The following TAFA1 variants were observed in gnomAD, a reference collection of about 807,000 sequenced individuals.
TAFA1 encodes the protein chemokine-like protein TAFA-1.
Under a neutral mutation model 18.5 loss-of-function variants are expected in TAFA1, and 4 were observed. The observed-to-expected ratio is 0.22, with a 90% confidence interval of 0.11 to 0.49. The LOEUF (loss-of-function observed/expected upper bound fraction) is 0.49. Ranked by LOEUF, TAFA1 falls within the 20% of genes least tolerant of loss-of-function variation. The pLI, the probability that TAFA1 is intolerant of heterozygous loss-of-function variation, is 0.98. For missense variants in TAFA1, 147 were observed against 169.0 expected, an observed-to-expected ratio of 0.87 and a Z score of 0.72; for synonymous variants, 56 against 55.2, an observed-to-expected ratio of 1.01 and a Z score of -0.06.
chr3:68,166,296 A>T (rs2065981573), intron 2 of TAFA1, among the ~76,000 whole-genome samples: 1 of 152,154 alleles, frequency 6.6e-6, no homozygotes, highest in Admixed American at 6.5e-5. Context: ...CCCTTTCCTG[A>T]GCTACTTTTC....
intron 2 of TAFA1, among the ~76,000 whole-genome samples, chr3:68,413,730 A>C (rs577058297): frequency 6.6e-6 from 1 of 152,108 alleles, no homozygotes; most frequent in African/African-American, 2.4e-5. Context: ...TGTGTTTGAA[A>C]GTTACAGGTG....
chr3:68,525,786 T>C (rs2073103802), intron 3 of TAFA1, among the ~76,000 whole-genome samples: 1 of 152,216 alleles, frequency 6.6e-6, no homozygotes, highest in Non-Finnish European at 1.5e-5. Context: ...AACCTGAAGA[T>C]ATCAGTCTCC....
chr3:68,057,385 A>G (rs2064549745), intron 2 of TAFA1, among the ~76,000 whole-genome samples: 1 of 152,226 alleles, frequency 6.6e-6, no homozygotes, highest in Admixed American at 6.5e-5. Flanking sequence ...TCTATTGCAC[A>G]TCACATTAAT....
At chr3:68,290,991 T>C (rs1227285277) in intron 2 of TAFA1, among the ~76,000 whole-genome samples, 1 of 152,140 alleles carries the variant, frequency 6.6e-6, no homozygotes, top group Admixed American at 6.5e-5. Flanking sequence ...TTTATTTTTT[T>C]TCACCTGTAG....
chr3:68,129,707 A>G (rs1309791547), intron 2 of TAFA1, among the ~76,000 whole-genome samples: 1 of 152,168 alleles, frequency 6.6e-6, no homozygotes, highest in African/African-American at 2.4e-5. Flanking sequence ...AATTCAAAAG[A>G]CCTTGTGAAA....
At chr3:68,418,856 A>G (rs902268783) in intron 3 of TAFA1, among the ~76,000 whole-genome samples, 3 of 152,156 alleles carry the variant, frequency 2.0e-5, no homozygotes, top group Admixed American at 2.0e-4. Flanking sequence ...TTTTTTCTCT[A>G]TTGTGATATA....
At chr3:68,516,927 C>T (rs1334375002) in intron 3 of TAFA1, among the ~76,000 whole-genome samples, 2 of 152,116 alleles carry the variant, frequency 1.3e-5, no homozygotes, top group African/African-American at 4.8e-5. Context: ...GCATGCGCCA[C>T]CACACCTAGC....
At chr3:68,359,665 A>G (rs1249005575) in intron 2 of TAFA1, among the ~76,000 whole-genome samples, 1 of 151,958 alleles carries the variant, frequency 6.6e-6, no homozygotes, top group Non-Finnish European at 1.5e-5. Context: ...ACCCAGTGGG[A>G]CCGATGTTAA....
At chr3:68,237,442 G>A (rs116663020) in intron 2 of TAFA1, among the ~76,000 whole-genome samples, 2 of 152,152 alleles carry the variant, frequency 1.3e-5, no homozygotes, top group African/African-American at 4.8e-5. Flanking sequence ...TCAGACCATA[G>A]CAATAACATT....
At position 68,541,586 on chromosome 3, in the gene TAFA1, T is replaced by TA. The variant is rs201474420; in HGVS notation, c.384+2717dup. 7.7e-3 allele frequency among the ~76,000 whole-genome samples: 1,124 copies of TA among 145,524 alleles called. 15 individuals are homozygous for TA. The highest frequency in any genetic ancestry group is 0.044 in the East Asian group (220 of 4,972). On this transcript the variant is annotated intron_variant, in intron 4 of 4. Coordinates refer to ENST00000478136, the MANE Select transcript of TAFA1 (RefSeq NM_213609.4). Reference sequence around the variant, plus strand: ...CATTGTTCTGCTGTTATCAAAGAGGTAAAAAAAAAAACAAAGAAATTTACC... The same window carrying TA: ...CATTGTTCTGCTGTTATCAAAGAGGTAAAAAAAAAAAACAAAGAAATTTACC...
intron 2 of TAFA1, among the ~76,000 whole-genome samples, chr3:68,235,246 T>G (rs1559569661): frequency 6.6e-6 from 1 of 152,192 alleles, no homozygotes; most frequent in African/African-American, 2.4e-5. Flanking sequence ...GTTAAACATC[T>G]CCACTCACCA....
In TAFA1 at chr3:68,287,907, T is replaced by TGGG. The variant is rs35069967; in HGVS notation, c.119-129369_119-129367dup. 6.4e-3 allele frequency among the ~76,000 whole-genome samples: 328 copies of TGGG among 51,568 alleles called. 5 individuals carry two copies. Among genetic ancestry groups the TGGG allele is most frequent in the Non-Finnish European group, 0.012 (258 of 21,814 alleles). The allele number at this position is 51,568 out of a possible 152,430, so 33.8% of individuals were successfully genotyped here. A position where few individuals can be genotyped will look rare whatever the true frequency, so the allele number is the denominator to read the frequency against. On this transcript the variant is annotated intron_variant, in intron 2 of 4. Coordinates refer to ENST00000478136, the MANE Select transcript of TAFA1 (RefSeq NM_213609.4). ...GGAGGATTTTGCTTTTTGTTTTTGT[T>TGGG]GGGGGGTGGGGGGGCTTTTTGAAAA...
chr3:68,270,973 T>G (rs1203420773), intron 2 of TAFA1, among the ~76,000 whole-genome samples: 1 of 152,148 alleles, frequency 6.6e-6, no homozygotes, highest in East Asian at 1.9e-4. Context: ...TAATCAAGAC[T>G]CTTTGTGGAA....
intron 3 of TAFA1, among the ~76,000 whole-genome samples, chr3:68,489,955 T>C (rs918635185): frequency 6.6e-6 from 1 of 152,224 alleles, no homozygotes. Flanking sequence ...TGACAAACTA[T>C]GGTTATTCAG....
chr3:68,239,193 CT>C lies in TAFA1; in HGVS notation c.119-178083del, dbSNP rs200958566. On this transcript the variant is annotated intron_variant, in intron 2 of 4. Coordinates refer to ENST00000478136, the MANE Select transcript of TAFA1 (RefSeq NM_213609.4). Reference sequence around the variant, plus strand: ...AATCTTCTTAGTTTTCTCTGTCTTCCTTTTACCTCCCTTTTCATTTGTCAAG... The same window carrying C: ...AATCTTCTTAGTTTTCTCTGTCTTCCTTTACCTCCCTTTTCATTTGTCAAG... Among the ~76,000 whole-genome samples the C allele has an allele frequency of 3.4e-3, 523 of 152,154 alleles. 5 individuals are homozygous for C. Among genetic ancestry groups the C allele is most frequent in the Non-Finnish European group, 2.5e-3 (171 of 67,992 alleles).
chr3:68,444,404 T>A (rs4855478), intron 3 of TAFA1, among the ~76,000 whole-genome samples: 19,548 of 152,104 alleles, frequency 0.13, 1,600 homozygotes, highest in Non-Finnish European at 0.18. Context: ...TGACAAGCAT[T>A]ATTTTCTCAC....
chr3:68,000,123 G>T (rs1400440038), upstream of TAFA1, among the ~76,000 whole-genome samples: 1 of 152,104 alleles, frequency 6.6e-6, no homozygotes, highest in South Asian at 2.1e-4. Flanking sequence ...AGCTCATTAT[G>T]CATGCCATCC....
At chr3:68,179,488 T>C (rs2066168573) in intron 2 of TAFA1, among the ~76,000 whole-genome samples, 1 of 152,232 alleles carries the variant, frequency 6.6e-6, no homozygotes, top group African/African-American at 2.4e-5. Flanking sequence ...GTCTGCATTT[T>C]TAAAGAAAAT....
intron 3 of TAFA1, among the ~76,000 whole-genome samples, chr3:68,446,680 A>G (rs1559673720): frequency 6.6e-6 from 1 of 152,206 alleles, no homozygotes; most frequent in Non-Finnish European, 1.5e-5. Flanking sequence ...TCTAGAAAAG[A>G]CATACAGGTT....
Sources: allele counts gnomAD v4.1 joint callset (sites outside exome capture counted in the v4.1 genomes callset), GRCh38; gene constraint gnomAD v4.1.1; transcripts MANE v1.5; gene names NCBI Gene and HGNC (gene_info 2026-07-23, HGNC 2026-07-21).